The following SORCS2 variants were observed in gnomAD, a reference collection of about 807,000 sequenced individuals.
SORCS2 encodes the protein VPS10 domain-containing receptor SorCS2.
SORCS2 carries 100 observed loss-of-function variants against 141.6 expected under a neutral mutation model. The ratio of observed to expected loss-of-function variants is 0.71; its 90% confidence interval spans 0.60 to 0.83. The LOEUF is 0.83. Among genes scored for constraint, SORCS2 ranks in the 40% least tolerant of loss-of-function variants. The pLI, the probability that SORCS2 is intolerant of heterozygous loss-of-function variation, is 0.00. For missense variants in SORCS2, 1,646 were observed against 1,560.2 expected, an observed-to-expected ratio of 1.05 and a Z score of -0.93; for synonymous variants, 789 against 676.9, an observed-to-expected ratio of 1.17 and a Z score of -2.57.
chr4:7,206,141 C>T (rs1727724486), intron 1 of SORCS2, among the ~76,000 whole-genome samples: 1 of 152,164 alleles, frequency 6.6e-6, no homozygotes. Context: ...CAGATGGACC[C>T]CATGGGAATG....
At chr4:7,219,585 C>A (rs959198813) in intron 1 of SORCS2, among the ~76,000 whole-genome samples, 1 of 152,138 alleles carries the variant, frequency 6.6e-6, no homozygotes, top group Admixed American at 6.5e-5. Flanking sequence ...CTTCACAAGG[C>A]GGCAGGAAGA....
At chr4:7,575,783 G>A (rs1715711698) in intron 3 of SORCS2, among the ~76,000 whole-genome samples, 1 of 152,184 alleles carries the variant, frequency 6.6e-6, no homozygotes, top group Admixed American at 6.5e-5. Context: ...GAGGTTAACA[G>A]ATGTTCTTGT....
chr4:7,377,356 C>CA (rs11381328), intron 1 of SORCS2, among the ~76,000 whole-genome samples: 105,194 of 151,458 alleles, frequency 0.69, 36,773 homozygotes, highest in East Asian at 0.92. Flanking sequence ...GGGGCTGTGA[C>CA]GGGGGGGACA....
At chr4:7,679,880 A>G (rs1259907983) in intron 9 of SORCS2, among the ~76,000 whole-genome samples, 2 of 151,960 alleles carry the variant, frequency 1.3e-5, no homozygotes, top group South Asian at 2.1e-4. Context: ...GCCTTGGCCT[A>G]TATCTGGATC....
At chr4:7,549,612 G>T (rs1164252075) in intron 3 of SORCS2, among the ~76,000 whole-genome samples, 1 of 152,202 alleles carries the variant, frequency 6.6e-6, no homozygotes, top group East Asian at 1.9e-4. Flanking sequence ...GATGCTTTCT[G>T]CACAGAAAGG....
At chr4:7,292,589 T>G (rs1430293855) in intron 1 of SORCS2, among the ~76,000 whole-genome samples, 2 of 152,252 alleles carry the variant, frequency 1.3e-5, no homozygotes, top group African/African-American at 4.8e-5. Context: ...TTTGCTCTTT[T>G]AACATTGGCT....
chr4:7,728,245 T>C, intron 21 of SORCS2, 105 bp from the exon 22 acceptor site: 2 of 736,900 alleles, frequency 2.7e-6, no homozygotes, highest in East Asian at 2.7e-5. Context: ...ATCAAAGGCC[T>C]CCCGGGACCA....
chr4:7,327,805 C>T (rs1009670447), intron 1 of SORCS2, among the ~76,000 whole-genome samples: 1 of 151,724 alleles, frequency 6.6e-6, no homozygotes, highest in African/African-American at 2.4e-5. Flanking sequence ...GTGTGACCGC[C>T]CCCCCCAACC....
chr4:7,448,679 T>C (rs1255995498), intron 2 of SORCS2, among the ~76,000 whole-genome samples: 9 of 137,128 alleles, frequency 6.6e-5, no homozygotes, highest in African/African-American at 2.5e-4. Context: ...CCTTCCTCCT[T>C]CCCTTCCTTC....
intron 2 of SORCS2, among the ~76,000 whole-genome samples, chr4:7,460,325 C>T (rs1349638850): frequency 6.6e-6 from 1 of 152,248 alleles, no homozygotes; most frequent in Non-Finnish European, 1.5e-5. Context: ...CACCTGGGCA[C>T]TAACCAGCCA....
chr4:7,717,961 A>C lies in SORCS2; in HGVS notation c.2253-51A>C, dbSNP rs1057072305. 4.4e-5 allele frequency: 66 copies of C among 1,514,800 alleles called. 2 individuals are homozygous for C. In the South Asian group the frequency reaches 8.3e-4, roughly 19 times the overall value. 93.8% of individuals were successfully genotyped at this position (1,514,800 alleles called of 1,614,324 possible). On this transcript the variant is annotated intron_variant, in intron 17 of 26. Coordinates refer to ENST00000507866, the MANE Select transcript of SORCS2 (RefSeq NM_020777.3). ...GTCCCTCCCCAGACTATGGGGCCCCATCCCTTGCCACCTGTCTGAAGCGGA... is the reference window on the plus strand; with the variant it reads ...GTCCCTCCCCAGACTATGGGGCCCCCTCCCTTGCCACCTGTCTGAAGCGGA...
chr4:7,390,323 C>T (rs1723774552), intron 1 of SORCS2, among the ~76,000 whole-genome samples: 1 of 152,198 alleles, frequency 6.6e-6, no homozygotes, highest in Non-Finnish European at 1.5e-5. Context: ...AGCCATGTGT[C>T]AGGCTGCTTC....
At chr4:7,591,737 C>G (rs370851377) in intron 3 of SORCS2, among the ~76,000 whole-genome samples, 32 of 152,322 alleles carry the variant, frequency 2.1e-4, no homozygotes, top group South Asian at 1.2e-3. Flanking sequence ...GGAGAGCTTT[C>G]TAAAGCGCCC....
chr4:7,223,771 T>G (rs1368593968), intron 1 of SORCS2, among the ~76,000 whole-genome samples: 3 of 152,188 alleles, frequency 2.0e-5, no homozygotes, highest in Admixed American at 2.0e-4. Flanking sequence ...TCTGGGAAGA[T>G]GCCTGGTCTG....
At chr4:7,387,959 CACACACAGAT>C (rs1378858700) in intron 1 of SORCS2, among the ~76,000 whole-genome samples, 2 of 70,708 alleles carry the variant, frequency 2.8e-5, no homozygotes, top group African/African-American at 6.7e-5. Context: ...CACATGCACA[CACACACAGAT>C]ACACAGAGAT....
intron 23 of SORCS2, among the ~76,000 whole-genome samples, chr4:7,731,713 AAAGAG>A (rs1447052594): frequency 6.6e-6 from 1 of 152,236 alleles, no homozygotes; most frequent in Non-Finnish European, 1.5e-5. Flanking sequence ...ACAATGGAGA[AAAGAG>A]AATATCTCCC....
At chr4:7,714,487 G>C (rs1218760251) in intron 16 of SORCS2, 114 bp downstream of exon 16, 2 of 1,207,922 alleles carry the variant, frequency 1.7e-6, no homozygotes, top group Non-Finnish European at 2.3e-6. Flanking sequence ...TTATAACCTG[G>C]TGTCACAGTC....
At chr4:7,264,765 C>T (rs546694548) in intron 1 of SORCS2, among the ~76,000 whole-genome samples, 1 of 152,338 alleles carries the variant, frequency 6.6e-6, no homozygotes, top group African/African-American at 2.4e-5. Flanking sequence ...AGTCCTGACC[C>T]CCACTCCCTT....
chr4:7,509,879 C>A (rs1732510728), intron 2 of SORCS2, among the ~76,000 whole-genome samples: 1 of 152,230 alleles, frequency 6.6e-6, no homozygotes, highest in Non-Finnish European at 1.5e-5. Context: ...TTTGCCCCAG[C>A]TGTCCAAATC....
Sources: gnomAD v4.1 joint callset for allele counts (sites outside exome capture counted in the v4.1 genomes callset) on GRCh38, gnomAD v4.1.1 for gene constraint, MANE v1.5 for transcripts, NCBI Gene and HGNC (gene_info 2026-07-23, HGNC 2026-07-21) for gene names.